Variants in RBFOX1 observed in about 807,000 individuals in gnomAD.
RBFOX1 encodes RNA binding fox-1 homolog 1.
In RBFOX1, 8 loss-of-function variants were observed where a neutral mutation model predicts 57.7. The ratio of observed to expected loss-of-function variants is 0.14; its 90% CI spans 0.08 to 0.25. The LOEUF (loss-of-function observed/expected upper bound fraction) is 0.25, where lower values mean the gene tolerates loss of function less well. RBFOX1 is among the 10% of genes least tolerant of loss of function. RBFOX1 has a pLI of 1.00. For missense variants in RBFOX1, 611 were observed against 548.5 expected, an observed-to-expected ratio of 1.11 and a Z score of -1.14; for synonymous variants, 326 against 222.4, an observed-to-expected ratio of 1.47 and a Z score of -4.15.
chr16:6,713,836 G>A (rs1019944911), intron 3 of RBFOX1, among the ~76,000 whole-genome samples: 2 of 152,152 alleles, frequency 1.3e-5, no homozygotes, highest in Admixed American at 6.5e-5. Flanking sequence ...AGGTAGTAGG[G>A]TGATGGCAAG....
At chr16:7,320,726 T>C (rs1245264259) in intron 4 of RBFOX1, among the ~76,000 whole-genome samples, 1 of 152,248 alleles carries the variant, frequency 6.6e-6, no homozygotes, top group African/African-American at 2.4e-5. Context: ...ACAGATGTGA[T>C]TGTAAGAAAC....
chr16:6,716,455 G>T (rs545971659), intron 3 of RBFOX1, among the ~76,000 whole-genome samples: 1 of 152,052 alleles, frequency 6.6e-6, no homozygotes, highest in African/African-American at 2.4e-5. Flanking sequence ...TTGCTTTATT[G>T]CATTTTCCAT....
chr16:7,577,034 G>A (rs540626603), intron 5 of RBFOX1, among the ~76,000 whole-genome samples: 3 of 152,306 alleles, frequency 2.0e-5, no homozygotes, highest in South Asian at 2.1e-4. Flanking sequence ...CGGAGAAAAC[G>A]CAAATTCTGC....
intron 4 of RBFOX1, among the ~76,000 whole-genome samples, chr16:5,878,905 A>C (rs965070229): frequency 2.6e-5 from 4 of 152,180 alleles, no homozygotes; most frequent in African/African-American, 9.6e-5. Context: ...TTGTCATTCT[A>C]ATGTAATTAG....
intron 1 of RBFOX1, among the ~76,000 whole-genome samples, chr16:6,023,207 G>A (rs558216473): frequency 3.9e-4 from 60 of 151,984 alleles, no homozygotes; most frequent in Middle Eastern, 3.4e-3. Context: ...GGGTCTGAGC[G>A]GGTTTCTCCT....
At chr16:7,276,868 A>T (rs896758391) in intron 4 of RBFOX1, among the ~76,000 whole-genome samples, 6 of 152,196 alleles carry the variant, frequency 3.9e-5, no homozygotes, top group Non-Finnish European at 4.4e-5. Context: ...CTGTCTAATT[A>T]TGTGTAAATT....
intron 3 of RBFOX1, among the ~76,000 whole-genome samples, chr16:6,944,772 G>A (rs925501665): frequency 6.6e-6 from 1 of 152,120 alleles, no homozygotes; most frequent in African/African-American, 2.4e-5. Flanking sequence ...ACCCTCATAT[G>A]GGTGTATCTC....
chr16:5,431,988 C>T (rs981698792), intron 1 of RBFOX1, among the ~76,000 whole-genome samples: 2 of 152,052 alleles, frequency 1.3e-5, no homozygotes, highest in Non-Finnish European at 1.5e-5. Context: ...AGATCAAGTC[C>T]GTTGGCCTAG....
intron 4 of RBFOX1, among the ~76,000 whole-genome samples, chr16:7,099,095 A>G (rs1473725999): frequency 2.0e-5 from 3 of 152,206 alleles, no homozygotes; most frequent in African/African-American, 4.8e-5. Flanking sequence ...GAAAGTTTAT[A>G]TTGCAAAAAT....
intron 2 of RBFOX1, among the ~76,000 whole-genome samples, chr16:5,560,934 G>A (rs1459753159): frequency 1.3e-5 from 2 of 152,196 alleles, no homozygotes; most frequent in African/African-American, 4.8e-5. Flanking sequence ...TTGGCTAGCA[G>A]GTAACAGGAG....
At chr16:6,270,943 T>A (rs1222233093) in intron 1 of RBFOX1, among the ~76,000 whole-genome samples, 1 of 152,192 alleles carries the variant, frequency 6.6e-6, no homozygotes, top group African/African-American at 2.4e-5. Flanking sequence ...GCCGAATAAA[T>A]TCCATGGATT....
intron 4 of RBFOX1, among the ~76,000 whole-genome samples, chr16:7,460,389 A>ATATATATGTGTGTGTGTG: frequency 2.1e-4 from 18 of 87,212 alleles, no homozygotes; most frequent in African/African-American, 1.0e-3. Context: ...ATATATATAT[A>ATATATATGTGTGTGTGTG]TGTGTGTGTG....
intron 3 of RBFOX1, among the ~76,000 whole-genome samples, chr16:6,813,415 C>T (rs2089266336): frequency 1.3e-5 from 2 of 152,224 alleles, no homozygotes; most frequent in South Asian, 2.1e-4. Flanking sequence ...CAGGTGTCAC[C>T]TCTGAATGTT....
At position 7,683,077 on chromosome 16, in the gene RBFOX1, A is replaced by C. The variant is rs1414823456; in HGVS notation, c.995+6239A>C. On this transcript the variant is annotated intron_variant, in intron 14 of 15. Coordinates refer to ENST00000550418, the MANE Select transcript of RBFOX1 (RefSeq NM_018723.4). ...AAGTGATGTTGATTGTATATTCTCC[A>C]AAAAATTAGGATAACTAAGATAATT... Among the ~76,000 whole-genome samples the C allele has an allele frequency of 3.5e-4, 9 of 25,426 alleles. No individual in the cohort carries two copies. In the Admixed American group the frequency reaches 4.8e-3, roughly 14 times the overall value. The allele number at this position is 25,426 out of a possible 152,430, so 16.7% of individuals were successfully genotyped here. A position where few individuals can be genotyped will look rare whatever the true frequency, so the allele number is the denominator to read the frequency against.
chr16:5,687,125 A>G (rs1219054861), intron 3 of RBFOX1, among the ~76,000 whole-genome samples: 2 of 151,988 alleles, frequency 1.3e-5, no homozygotes, highest in Non-Finnish European at 2.9e-5. Context: ...TACCCTGTCT[A>G]CTCTTTTATA....
At chr16:5,448,373 G>T (rs1301860988) in intron 1 of RBFOX1, among the ~76,000 whole-genome samples, 1 of 152,184 alleles carries the variant, frequency 6.6e-6, no homozygotes, top group Non-Finnish European at 1.5e-5. Flanking sequence ...CTGGAATAAG[G>T]TATGTTTGGG....
chr16:7,110,548 T>A (rs1396931282), intron 4 of RBFOX1, among the ~76,000 whole-genome samples: 1 of 152,106 alleles, frequency 6.6e-6, no homozygotes, highest in East Asian at 1.9e-4. Context: ...ATCTAAGAAC[T>A]TCGAGTACAC....
intron 2 of RBFOX1, among the ~76,000 whole-genome samples, chr16:5,543,898 A>C (rs1425223017): frequency 2.6e-5 from 4 of 152,228 alleles, no homozygotes; most frequent in Non-Finnish European, 5.9e-5. Context: ...AACAAAAATA[A>C]AAACACTAAT....
intron 3 of RBFOX1, among the ~76,000 whole-genome samples, chr16:7,006,576 A>T (rs2093314127): frequency 6.6e-6 from 1 of 151,970 alleles, no homozygotes; most frequent in African/African-American, 2.4e-5. Flanking sequence ...CACCTTCCTG[A>T]GTAGGTAGGA....
Sources: allele counts gnomAD v4.1 joint callset (sites outside exome capture counted in the v4.1 genomes callset), GRCh38; gene constraint gnomAD v4.1.1; transcripts MANE v1.5; gene names NCBI Gene and HGNC (gene_info 2026-07-23, HGNC 2026-07-21).